TENM4: variants seen among roughly 807,000 people sequenced by gnomAD.
TENM4 encodes the protein teneurin-4.
A neutral mutation model predicts 243.3 loss-of-function variants in TENM4; 82 were observed. The observed-to-expected ratio is 0.34, with a 90% CI of 0.28 to 0.40. TENM4 has a LOEUF of 0.40. Ranked by LOEUF, TENM4 falls within the 10% of genes least tolerant of loss-of-function variation. TENM4 has a pLI of 1.00. For synonymous variants in TENM4, 1,412 were observed against 1,456.3 expected (o/e 0.97, Z 0.69); for missense variants, 3,138 against 3,673.3 (o/e 0.85, Z 3.77).
At chr11:79,025,267 A>T (rs1468310688) in intron 6 of TENM4, among the ~76,000 whole-genome samples, 1 of 150,124 alleles carries the variant, frequency 6.7e-6, no homozygotes, top group Admixed American at 6.6e-5. Flanking sequence ...ACTGGAATGA[A>T]TGAATGAATG....
intron 6 of TENM4, among the ~76,000 whole-genome samples, chr11:78,989,033 C>A (rs1030281360): frequency 6.6e-6 from 1 of 152,184 alleles, no homozygotes; most frequent in Non-Finnish European, 1.5e-5. Context: ...AGGTCCAGAC[C>A]TCAGCCACTG....
chr11:78,804,580 TTCAA>T (rs1378012121), intron 15 of TENM4, among the ~76,000 whole-genome samples: 1 of 152,170 alleles, frequency 6.6e-6, no homozygotes, highest in African/African-American at 2.4e-5. Context: ...TCATAGTGTT[TTCAA>T]ACAGAAGGGT....
chr11:79,063,520 G>T (rs754854072), intron 6 of TENM4, among the ~76,000 whole-genome samples: 14 of 152,156 alleles, frequency 9.2e-5, no homozygotes, highest in Non-Finnish European at 1.9e-4. Flanking sequence ...CCAGGTGCTG[G>T]GGCTGTTCCT....
rs1473314961 is a variant in TENM4, at chr11:78,702,083, G to T, written c.4530C>A (p.Pro1510=). ...SGEISLVAGA[P]SGCDCKNDAN... ...CATCATTTTTACAGTCACAGCCACT[G>T]GGGGCCCCAGCAACGAGTGAGATCT... Residue 1510 remains proline, a synonymous_variant, in exon 28 of 34, where the codon CCC becomes CCA. Coordinates refer to ENST00000278550, the MANE Select transcript of TENM4 (RefSeq NM_001098816.3). The T allele has an allele frequency of 3.1e-6, 5 of 1,613,760 alleles. No individual in the cohort carries two copies. In the South Asian group the frequency reaches 4.4e-5, roughly 14 times the overall value.
chr11:78,824,565 G>A (rs1328997727), intron 12 of TENM4, among the ~76,000 whole-genome samples: 5 of 148,824 alleles, frequency 3.4e-5, no homozygotes, highest in African/African-American at 5.0e-5. Flanking sequence ...GCAGTGGCAC[G>A]ATCTCGGCTC....
intron 1 of TENM4, among the ~76,000 whole-genome samples, chr11:79,329,207 T>A (rs994021969): frequency 1.3e-5 from 2 of 152,178 alleles, no homozygotes; most frequent in African/African-American, 4.8e-5. Context: ...TGTTCCGTCG[T>A]CTCCAGATCT....
At chr11:79,291,358 G>T (rs562609) in intron 2 of TENM4, among the ~76,000 whole-genome samples, 1 of 151,978 alleles carries the variant, frequency 6.6e-6, no homozygotes, top group East Asian at 1.9e-4. Context: ...TTGCAAACAA[G>T]AGTAAAATTC....
rs377331883 is a variant in TENM4, at chr11:78,746,108, C to G, written c.2757-7538G>C. Among the ~76,000 whole-genome samples the G allele has an allele frequency of 3.9e-5, 6 of 152,154 alleles. No homozygotes were observed. In the South Asian group the frequency reaches 1.2e-3, roughly 32 times the overall value. ...GCTGGGGTTACAGGCTCCATAGTCTCCTTCAGATTGACAGGAGGGAGGAGT... is the reference window on the plus strand; with the variant it reads ...GCTGGGGTTACAGGCTCCATAGTCTGCTTCAGATTGACAGGAGGGAGGAGT... On this transcript the variant is annotated intron_variant, in intron 19 of 33. Coordinates refer to ENST00000278550, the MANE Select transcript of TENM4 (RefSeq NM_001098816.3).
intron 6 of TENM4, among the ~76,000 whole-genome samples, chr11:78,923,109 T>C (rs1386451752): frequency 6.6e-6 from 1 of 152,122 alleles, no homozygotes; most frequent in East Asian, 1.9e-4. Flanking sequence ...CACTTAAACA[T>C]TGTATGCAGC....
chr11:79,245,427 C>T (rs1855494077), intron 2 of TENM4, among the ~76,000 whole-genome samples: 2 of 152,156 alleles, frequency 1.3e-5, no homozygotes, highest in Admixed American at 6.5e-5. Flanking sequence ...GGGTGCCCTC[C>T]CTAGAGGGAA....
At chr11:78,979,060 T>C (rs1857732117) in intron 6 of TENM4, among the ~76,000 whole-genome samples, 1 of 152,116 alleles carries the variant, frequency 6.6e-6, no homozygotes, top group African/African-American at 2.4e-5. Context: ...ATTCAGAATG[T>C]TTCTGCAAGC....
chr11:79,309,173 A>G (rs1856677944), intron 1 of TENM4, among the ~76,000 whole-genome samples: 1 of 152,224 alleles, frequency 6.6e-6, no homozygotes, highest in Non-Finnish European at 1.5e-5. Context: ...GGAAGTCCAC[A>G]TGTTTGGTAA....
Position 79,356,187 on chromosome 11 carries a change from C to A in TENM4, c.-320-58644G>T, listed in dbSNP as rs542742071. Among the ~76,000 whole-genome samples, 79 of 152,298 alleles carry A rather than the reference C, an allele frequency of 5.2e-4. 1 individual carries two copies. Among genetic ancestry groups the A allele is most frequent in the African/African-American group, 1.7e-3 (69 of 41,558 alleles). On this transcript the variant is annotated intron_variant, in intron 1 of 33. Transcript: ENST00000278550. ...GTGAATCCAAGGAGAGGACCTAGAACTTCTCTCCCTTCTATATTTAAACCT... is the reference window on the plus strand; with the variant it reads ...GTGAATCCAAGGAGAGGACCTAGAAATTCTCTCCCTTCTATATTTAAACCT...
intron 22 of TENM4, among the ~76,000 whole-genome samples, chr11:78,728,048 GTCACTTCCCTTTTTAAC>G (rs1256857246): frequency 1.3e-5 from 2 of 152,174 alleles, no homozygotes; most frequent in Admixed American, 1.3e-4. Context: ...CTGCAGCCCA[GTCACTTCCCTTTTTAAC>G]TGACTGGCGG....
At chr11:78,840,042 C>A (rs574577535) in intron 12 of TENM4, among the ~76,000 whole-genome samples, 8 of 152,156 alleles carry the variant, frequency 5.3e-5, no homozygotes, top group African/African-American at 1.4e-4. Context: ...AATAAGTTAA[C>A]GTAAATAAAT....
intron 17 of TENM4, among the ~76,000 whole-genome samples, chr11:78,774,997 T>C (rs1856712631): frequency 6.6e-6 from 1 of 152,222 alleles, no homozygotes. Flanking sequence ...AAGTGAACCT[T>C]GTGAAATAGT....
intron 9 of TENM4, among the ~76,000 whole-genome samples, chr11:78,876,076 C>T (rs1002181845): frequency 7.2e-5 from 11 of 152,168 alleles, no homozygotes; most frequent in African/African-American, 2.2e-4. Flanking sequence ...CTAGGTCCAG[C>T]GCTACTACTT....
At chr11:79,335,249 C>G (rs1322844170) in intron 1 of TENM4, among the ~76,000 whole-genome samples, 1 of 152,228 alleles carries the variant, frequency 6.6e-6, no homozygotes, top group East Asian at 1.9e-4. Context: ...TCTCCCGCCA[C>G]CATGACTGGG....
chr11:79,283,427 T>C (rs1363158980), intron 2 of TENM4, among the ~76,000 whole-genome samples: 2 of 152,096 alleles, frequency 1.3e-5, no homozygotes, highest in Admixed American at 1.3e-4. Context: ...AACCAATCAA[T>C]GTAATAGACC....
Sources: gnomAD v4.1 joint callset for allele counts (sites outside exome capture counted in the v4.1 genomes callset) on GRCh38, gnomAD v4.1.1 for gene constraint, MANE v1.5 for transcripts, NCBI Gene and HGNC (gene_info 2026-07-23, HGNC 2026-07-21) for gene names.